SAMMSON: variants seen among roughly 807,000 people sequenced by gnomAD.
SAMMSON encodes long intergenic non-protein coding RNA 1212.
At chr3:70,399,685 G>C (rs1215111597) in intron 2 of SAMMSON, among the ~76,000 whole-genome samples, 1 of 152,038 alleles carries the variant, frequency 6.6e-6, no homozygotes, top group Non-Finnish European at 1.5e-5. Context: ...GGCCAACATG[G>C]TGAAACCCCA....
chr3:70,340,009 G>A (rs1318182811), intron 7 of SAMMSON, among the ~76,000 whole-genome samples: 4 of 151,998 alleles, frequency 2.6e-5, no homozygotes, highest in Non-Finnish European at 5.9e-5. Flanking sequence ...CAACCCAAAT[G>A]TCCATCAATG....
intron 4 of SAMMSON, among the ~76,000 whole-genome samples, chr3:70,181,003 CCTTGCACGGGGT>C (rs1701049378): frequency 6.6e-6 from 1 of 152,104 alleles, no homozygotes; most frequent in African/African-American, 2.4e-5. Context: ...CTAGCCAAGG[CCTTGCACGGGGT>C]CAGATCTTCC....
At chr3:70,153,301 A>G (rs1460985439) in intron 4 of SAMMSON, among the ~76,000 whole-genome samples, 2 of 151,966 alleles carry the variant, frequency 1.3e-5, no homozygotes, top group African/African-American at 4.8e-5. Flanking sequence ...AAGCTGTCAC[A>G]GCATCAATCA....
chr3:70,273,057 T>C (rs1200016426), intron 6 of SAMMSON, among the ~76,000 whole-genome samples: 4 of 152,206 alleles, frequency 2.6e-5, no homozygotes, highest in Non-Finnish European at 4.4e-5. Flanking sequence ...GCCTACCTGT[T>C]GTCAAGGGAA....
chr3:70,050,700 GTGATCAA>G, intron 3 of SAMMSON, among the ~76,000 whole-genome samples: 1 of 152,218 alleles, frequency 6.6e-6, no homozygotes, highest in South Asian at 2.1e-4. Context: ...TGATAATTCA[GTGATCAA>G]TGATCAGTTG....
intron 4 of SAMMSON, among the ~76,000 whole-genome samples, chr3:70,194,694 T>C (rs1346269789): frequency 1.3e-5 from 2 of 152,204 alleles, no homozygotes; most frequent in Non-Finnish European, 2.9e-5. Context: ...TTGACAAGCA[T>C]TCAATTCACA....
intron 4 of SAMMSON, among the ~76,000 whole-genome samples, chr3:70,176,210 A>C (rs1462836415): frequency 1.3e-5 from 2 of 152,140 alleles, no homozygotes; most frequent in African/African-American, 4.8e-5. Context: ...GGTAGTGCTG[A>C]GGACTAGGGG....
chr3:70,245,334 A>G (rs1021771979), intron 4 of SAMMSON, among the ~76,000 whole-genome samples: 1 of 152,028 alleles, frequency 6.6e-6, no homozygotes, highest in Non-Finnish European at 1.5e-5. Flanking sequence ...CTAAGAGAAA[A>G]CAACTTAAAG....
chr3:70,296,173 C>G (rs1029567181), intron 7 of SAMMSON, among the ~76,000 whole-genome samples: 1 of 152,070 alleles, frequency 6.6e-6, no homozygotes, highest in Non-Finnish European at 1.5e-5. Context: ...AAACATAAAA[C>G]GAATGAGTCT....
intron 4 of SAMMSON, among the ~76,000 whole-genome samples, chr3:70,121,454 G>T (rs1235972529): frequency 6.7e-6 from 1 of 149,882 alleles, no homozygotes; most frequent in African/African-American, 2.5e-5. Context: ...TGTTTGTAGT[G>T]TACCAAGCAA....
intron 4 of SAMMSON, among the ~76,000 whole-genome samples, chr3:70,167,297 G>T (rs2067641206): frequency 1.3e-5 from 2 of 151,948 alleles, no homozygotes; most frequent in Admixed American, 6.6e-5. Context: ...CAAATGGCTT[G>T]TTATTTTCTA....
chr3:70,236,133 G>A lies in SAMMSON; in HGVS notation n.508-12974G>A, dbSNP rs577933881. On this transcript the variant is annotated intron_variant and non_coding_transcript_variant, in intron 4 of 9. Transcript: ENST00000642114. Reference sequence around the variant, plus strand: ...AACCTAACTTATTCTCTAATGACCTGTTGACCTTATTCATTCTTCAACTCT... The same window carrying A: ...AACCTAACTTATTCTCTAATGACCTATTGACCTTATTCATTCTTCAACTCT... Among the ~76,000 whole-genome samples, 3 of 152,248 alleles carry A rather than the reference G, an allele frequency of 2.0e-5. No homozygotes were observed. In the South Asian group the frequency reaches 6.2e-4, roughly 32 times the overall value.
rs71672662 is a variant in SAMMSON, at chr3:70,237,979, C to CTTTTTTTTTTTTTTTTTTTTTTTTTTTT, written n.508-11102_508-11101insTTTTTTTTTTTTTTTTTTTTTTTTTTTT. Among the ~76,000 whole-genome samples the CTTTTTTTTTTTTTTTTTTTTTTTTTTTT allele has an allele frequency of 8.2e-5, 4 of 48,942 alleles. 2 individuals carry two copies. Among genetic ancestry groups the CTTTTTTTTTTTTTTTTTTTTTTTTTTTT allele is most frequent in the African/African-American group, 4.2e-4 (4 of 9,426 alleles). The allele number at this position is 48,942 out of a possible 152,430, so 32.1% of individuals were successfully genotyped here. On this transcript the variant is annotated intron_variant and non_coding_transcript_variant, in intron 4 of 9. Transcript: ENST00000642114. ...GGAAAAGAAACTAATTGAGTGGTAT[C>CTTTTTTTTTTTTTTTTTTTTTTTTTTTT]TTTTTTTTTTTTTTTTTTTTTTTTT...
chr3:70,333,317 G>T (rs1294801019), intron 7 of SAMMSON, among the ~76,000 whole-genome samples: 4 of 151,636 alleles, frequency 2.6e-5, no homozygotes, highest in African/African-American at 9.7e-5. Flanking sequence ...TCTAGGGAGG[G>T]TATACTTCCC....
At chr3:70,325,378 G>C (rs1702571067) in intron 7 of SAMMSON, among the ~76,000 whole-genome samples, 1 of 152,130 alleles carries the variant, frequency 6.6e-6, no homozygotes, top group African/African-American at 2.4e-5. Context: ...TGCGGGCTGT[G>C]AGTGTCTCAA....
At chr3:70,300,073 CA>C (rs1429424766) in intron 7 of SAMMSON, among the ~76,000 whole-genome samples, 2 of 152,082 alleles carry the variant, frequency 1.3e-5, no homozygotes, top group African/African-American at 2.4e-5. Flanking sequence ...ATAGCCCAGC[CA>C]AATTCCCCAT....
intron 7 of SAMMSON, among the ~76,000 whole-genome samples, chr3:70,305,114 C>T (rs1377680465): frequency 2.0e-5 from 3 of 152,150 alleles, no homozygotes; most frequent in Non-Finnish European, 4.4e-5. Flanking sequence ...CAATCTCTAT[C>T]ACAACATCTT....
Position 70,279,441 on chromosome 3 carries a change from T to C in SAMMSON, n.675-11738T>C, listed in dbSNP as rs75146169. Among the ~76,000 whole-genome samples, 338 of 152,236 alleles carry C rather than the reference T, an allele frequency of 2.2e-3. 1 individual carries two copies. The highest frequency in any genetic ancestry group is 4.0e-3 in the Non-Finnish European group (272 of 67,994). On this transcript the variant is annotated intron_variant and non_coding_transcript_variant, in intron 6 of 9. Transcript: ENST00000642114. The stretch of plus-strand genomic sequence containing the variant: ...CTCTGGACTTTATCTCCTTCACATC[T>C]CTGAGTACATTGTCATTTTCTCTTC...
At chr3:70,063,239 T>A (rs1015019426) in intron 3 of SAMMSON, among the ~76,000 whole-genome samples, 5 of 152,132 alleles carry the variant, frequency 3.3e-5, no homozygotes, top group Non-Finnish European at 5.9e-5. Context: ...TGAGAACAGA[T>A]TAACTTTTGT....
Sources: gnomAD v4.1 joint callset for allele counts (sites outside exome capture counted in the v4.1 genomes callset) on GRCh38, gnomAD v4.1.1 for gene constraint, MANE v1.5 for transcripts, NCBI Gene and HGNC (gene_info 2026-07-23, HGNC 2026-07-21) for gene names.